The following CDK14 variants were observed in gnomAD, a reference collection of about 807,000 sequenced individuals.
CDK14 encodes the protein cyclin dependent kinase 14.
Under a neutral mutation model 60.7 loss-of-function variants are expected in CDK14, and 34 were observed. That is an observed-to-expected ratio of 0.56 (90% CI 0.43 to 0.75). The LOEUF (loss-of-function observed/expected upper bound fraction) is 0.75. CDK14 is among the 30% of genes least tolerant of loss of function. CDK14 has a pLI of 0.00. For missense variants in CDK14, 482 were observed against 564.1 expected, an observed-to-expected ratio of 0.85 and a Z score of 1.47; for synonymous variants, 197 against 203.7, an observed-to-expected ratio of 0.97 and a Z score of 0.28.
chr7:90,742,180 A>T lies in CDK14; in HGVS notation c.370-5501A>T, dbSNP rs766540449. On this transcript the variant is annotated intron_variant, in intron 3 of 14. Transcript: ENST00000380050. ...ATTTTTATGCTATCTGCTTCATACAACTTAGTATATCTGTTTCTTAAATTT... is the reference window on the plus strand; with the variant it reads ...ATTTTTATGCTATCTGCTTCATACATCTTAGTATATCTGTTTCTTAAATTT... Among the ~76,000 whole-genome samples the T allele has an allele frequency of 1.6e-4, 24 of 152,130 alleles. No homozygotes were observed. In the Middle Eastern group the frequency reaches 0.014, roughly 87 times the overall value.
intron 10 of CDK14, among the ~76,000 whole-genome samples, chr7:90,993,970 TA>T (rs1348931638): frequency 6.6e-6 from 1 of 152,240 alleles, no homozygotes; most frequent in East Asian, 1.9e-4. Flanking sequence ...AAATTTAACC[TA>T]ATGTATTGCT....
At chr7:90,692,691 G>A (rs1801576559) in intron 2 of CDK14, 1 of 972,174 alleles carries the variant, frequency 1.0e-6, no homozygotes, top group African/African-American at 1.8e-5. Context: ...CCAGGACTAG[G>A]GGAGGAATAA....
Position 90,995,125 on chromosome 7 carries a change from A to G in CDK14, c.1041+10884A>G, listed in dbSNP as rs148042830. On this transcript the variant is annotated intron_variant, in intron 10 of 14. Coordinates refer to ENST00000380050, the MANE Select transcript of CDK14 (RefSeq NM_001287135.2). ...CACTTCTAATGGATAGAATATGGCA[A>G]AAATGATGGGATATCACTTCTGAGA... 1.8e-4 allele frequency among the ~76,000 whole-genome samples: 28 copies of G among 152,332 alleles called. 1 individual carries two copies. The East Asian group carries it at 5.4e-3, about 29-fold the overall frequency.
At chr7:90,741,710 C>T (rs1376755740) in intron 3 of CDK14, among the ~76,000 whole-genome samples, 1 of 152,154 alleles carries the variant, frequency 6.6e-6, no homozygotes, top group Non-Finnish European at 1.5e-5. Context: ...TTGTTAATAA[C>T]TGCCAAATAG....
At chr7:91,066,217 C>G (rs112338366) in intron 11 of CDK14, among the ~76,000 whole-genome samples, 1 of 152,246 alleles carries the variant, frequency 6.6e-6, no homozygotes, top group African/African-American at 2.4e-5. Context: ...TAGATGTACT[C>G]ATTTTTATAT....
chr7:91,005,059 T>G (rs1206528385), intron 10 of CDK14, among the ~76,000 whole-genome samples: 2 of 152,210 alleles, frequency 1.3e-5, no homozygotes, highest in African/African-American at 4.8e-5. Flanking sequence ...TGTGTTACCC[T>G]GGGCCAGATC....
Position 90,679,111 on chromosome 7 carries a change from G to A in CDK14, c.124-47456G>A, listed in dbSNP as rs1337167147. 5.3e-5 allele frequency among the ~76,000 whole-genome samples: 8 copies of A among 151,962 alleles called. 1 individual carries two copies. The highest frequency in any genetic ancestry group is 1.3e-4 in the Admixed American group (2 of 15,252). On this transcript the variant is annotated intron_variant, in intron 2 of 14. Coordinates refer to ENST00000380050, the MANE Select transcript of CDK14 (RefSeq NM_001287135.2). Reference sequence around the variant, plus strand: ...ACTACAGGCACACGCCACCATGCCCGGCTAATTTTTAAACACTTTTTGTAG... The same window carrying A: ...ACTACAGGCACACGCCACCATGCCCAGCTAATTTTTAAACACTTTTTGTAG...
intron 2 of CDK14, among the ~76,000 whole-genome samples, chr7:90,705,688 T>G (rs1043643762): frequency 6.7e-6 from 1 of 150,044 alleles, no homozygotes; most frequent in Non-Finnish European, 1.5e-5. Context: ...AGGAAGCCTG[T>G]AGCAAGAAGA....
chr7:90,640,407 A>T (rs1277313311), intron 2 of CDK14, among the ~76,000 whole-genome samples: 1 of 152,162 alleles, frequency 6.6e-6, no homozygotes, highest in Non-Finnish European at 1.5e-5. Flanking sequence ...TAAAAATTTT[A>T]AAGTATGTAT....
rs1421781469 is a variant in CDK14 at position 91,208,826 on chromosome 7, C to T, written c.*1690C>T. 6.6e-6 allele frequency: 1 copy of T among 152,618 alleles called. No homozygotes were observed. Among genetic ancestry groups the T allele is most frequent in the Non-Finnish European group, 1.5e-5 (1 of 68,040 alleles). The allele number at this position is 152,618 out of a possible 1,614,324, so 9.5% of individuals were successfully genotyped here. A position where few individuals can be genotyped will look rare whatever the true frequency, so the allele number is the denominator to read the frequency against. On this transcript the variant is annotated 3_prime_UTR_variant, in exon 15 of 15. Transcript: ENST00000380050. ...GTTCATCCTATCCAGATGTAGCATTCATGGTAAACTTTTAAGTGCTAAGCA... is the reference window on the plus strand; with the variant it reads ...GTTCATCCTATCCAGATGTAGCATTTATGGTAAACTTTTAAGTGCTAAGCA...
intron 9 of CDK14, among the ~76,000 whole-genome samples, chr7:90,965,738 T>C (rs529664310): frequency 9.9e-5 from 15 of 152,204 alleles, no homozygotes; most frequent in Non-Finnish European, 1.9e-4. Context: ...GCCTTTATTC[T>C]ACTCTCACAA....
At chr7:91,164,015 G>A (rs1227056772) in intron 14 of CDK14, among the ~76,000 whole-genome samples, 1 of 119,516 alleles carries the variant, frequency 8.4e-6, no homozygotes, top group Non-Finnish European at 1.8e-5. Context: ...AGACATAGTG[G>A]CCTCATTTTG....
chr7:90,849,296 A>C (rs1790567297), intron 5 of CDK14, among the ~76,000 whole-genome samples: 1 of 150,868 alleles, frequency 6.6e-6, no homozygotes, highest in South Asian at 2.1e-4. Context: ...GCCATGACAG[A>C]AATCTTCCTG....
chr7:90,757,928 G>A (rs1409881586), intron 4 of CDK14, among the ~76,000 whole-genome samples: 2 of 152,146 alleles, frequency 1.3e-5, no homozygotes, highest in East Asian at 3.9e-4. Context: ...TGATTGTGGA[G>A]TAGTTGCTAT....
chr7:91,059,548 A>G (rs1402840662), intron 11 of CDK14, among the ~76,000 whole-genome samples: 10 of 152,118 alleles, frequency 6.6e-5, no homozygotes, highest in Admixed American at 6.5e-4. Context: ...ATTTAGTGCT[A>G]TAAATTTCCC....
intron 8 of CDK14, among the ~76,000 whole-genome samples, chr7:90,949,925 G>A (rs977575308): frequency 5.3e-5 from 8 of 152,160 alleles, no homozygotes; most frequent in African/African-American, 1.9e-4. Context: ...CCAATTTTCT[G>A]GAAAGGATAC....
intron 4 of CDK14, among the ~76,000 whole-genome samples, chr7:90,775,609 G>A (rs866144999): frequency 2.9e-5 from 3 of 104,452 alleles, no homozygotes; most frequent in South Asian, 3.2e-4. Context: ...AGAGAAAAAC[G>A]AAAATACCTC....
At chr7:90,619,163 T>A (rs1425969959) in intron 2 of CDK14, among the ~76,000 whole-genome samples, 1 of 152,194 alleles carries the variant, frequency 6.6e-6, no homozygotes, top group Non-Finnish European at 1.5e-5. Flanking sequence ...TAACATCTGT[T>A]TCTGTCACTT....
chr7:90,740,133 TAA>T (rs5885742), intron 3 of CDK14, among the ~76,000 whole-genome samples: 3 of 148,336 alleles, frequency 2.0e-5, no homozygotes, highest in East Asian at 3.9e-4. Context: ...GTTAAATTCC[TAA>T]AAAAAAAAAC....
Sources: allele counts gnomAD v4.1 joint callset (sites outside exome capture counted in the v4.1 genomes callset), GRCh38; gene constraint gnomAD v4.1.1; transcripts MANE v1.5; gene names NCBI Gene and HGNC (gene_info 2026-07-23, HGNC 2026-07-21).